Variants in TMEM260 observed in about 807,000 individuals in gnomAD.
TMEM260 encodes transmembrane protein 260, also known as protein O-mannosyl-transferase TMEM260.
Under a neutral mutation model 88.9 loss-of-function variants are expected in TMEM260, and 82 were observed. That is an observed-to-expected ratio of 0.92 (90% confidence interval 0.77 to 1.11). TMEM260 has a LOEUF of 1.11. TMEM260 is among the 50% of genes least tolerant of loss of function. TMEM260 has a pLI of 0.00. For synonymous variants in TMEM260, 314 were observed against 309.3 expected, an observed-to-expected ratio of 1.02 and a Z score of -0.16; for missense variants, 902 against 853.4, an observed-to-expected ratio of 1.06 and a Z score of -0.71.
chr14:56,639,684 G>T (rs1253952446), intron 15 of TMEM260, among the ~76,000 whole-genome samples: 6 of 152,220 alleles, frequency 3.9e-5, no homozygotes, highest in African/African-American at 1.4e-4. Flanking sequence ...GCAGGGCAAG[G>T]CATTGCCTCA....
chr14:56,653,374 C>T (rs1231276995), downstream of TMEM260, among the ~76,000 whole-genome samples: 2 of 151,690 alleles, frequency 1.3e-5, no homozygotes, highest in Non-Finnish European at 2.9e-5. Context: ...TGTGTAGAGT[C>T]AATATAAAAT....
At chr14:56,633,272 T>G in intron 13 of TMEM260, 101 bp downstream of exon 13, 2 of 894,536 alleles carry the variant, frequency 2.2e-6, no homozygotes, top group Admixed American at 2.7e-5. Context: ...TTTTTTTTAT[T>G]AATTGTTAAT....
At position 56,648,765 on chromosome 14, in the gene TMEM260, C is replaced by T. The variant is rs939933653; in HGVS notation, c.*1268C>T. 6.6e-6 allele frequency: 1 copy of T among 152,614 alleles called. No individual in the cohort carries two copies. Among genetic ancestry groups the T allele is most frequent in the Admixed American group, 6.5e-5 (1 of 15,272 alleles). 9.5% of individuals were successfully genotyped at this position (152,614 alleles called of 1,614,324 possible). A position where few individuals can be genotyped will look rare whatever the true frequency, so the allele number is the denominator to read the frequency against. On this transcript the variant is annotated 3_prime_UTR_variant, in exon 16 of 16. Transcript: ENST00000261556. ...AAAATGCTGCAGGATGCCATGTAGG[C>T]ATCTGTCTGGAGTGTCCTTTGTGAT...
chr14:56,655,787 A>G, the TMEM260 span, among the ~76,000 whole-genome samples: 1 of 152,112 alleles, frequency 6.6e-6, no homozygotes, highest in East Asian at 1.9e-4. Flanking sequence ...CTATTTTCCT[A>G]TTTTATTATC....
In TMEM260 at chr14:56,585,781, T is replaced by C; in HGVS notation, c.213T>C (p.Tyr71=). The C allele has an allele frequency of 6.2e-7, 1 of 1,612,804 alleles. No individual in the cohort carries two copies. Among genetic ancestry groups the C allele is most frequent in the Non-Finnish European group, 8.5e-7 (1 of 1,179,440 alleles). Residue 71 remains tyrosine, a synonymous_variant, in exon 3 of 16, where the codon TAT becomes TAC. Transcript: ENST00000261556. The stretch of plus-strand genomic sequence containing the variant: ...CGTAGGTTGCCCATCCTCCTGGCTA[T>C]CCTTTGTTCACGCTGGTGGCTAAAC... ...HELGVAHPPG[Y]PLFTLVAKLA...
At chr14:56,629,371 A>G (rs1470670509) in intron 12 of TMEM260, among the ~76,000 whole-genome samples, 1 of 151,220 alleles carries the variant, frequency 6.6e-6, no homozygotes, top group East Asian at 1.9e-4. Context: ...CTTCAAGCAG[A>G]ATGTGATAAC....
rs1479089044 is a variant in TMEM260, at chr14:56,617,170, T to C, written c.942-13T>C. ...TCTAAATATTTTAGACATATTTTTA[T>C]TATTTTTTGTAGGGACAGACAGAAT... On this transcript the variant is annotated splice_polypyrimidine_tract_variant and intron_variant, in intron 8 of 15. Transcript: ENST00000261556. 1 of 1,478,914 alleles carries C rather than the reference T, an allele frequency of 6.8e-7. No homozygotes were observed. Among genetic ancestry groups the C allele is most frequent in the East Asian group, 2.3e-5 (1 of 42,748 alleles). The allele number at this position is 1,478,914 out of a possible 1,614,324, so 91.6% of individuals were successfully genotyped here.
chr14:56,595,208 A>G (rs991276282), intron 3 of TMEM260, among the ~76,000 whole-genome samples: 14 of 152,186 alleles, frequency 9.2e-5, no homozygotes, highest in African/African-American at 3.1e-4. Context: ...CTTCAGATAT[A>G]TTTGTAGTTA....
At chr14:56,579,788 G>C, upstream of TMEM260, 1 of 902,204 alleles carries the variant, frequency 1.1e-6, no homozygotes, top group Non-Finnish European at 1.5e-6. Flanking sequence ...GGTCCAACCC[G>C]CGGAGGCTCG....
At chr14:56,596,784 T>A (rs9671985) in intron 3 of TMEM260, among the ~76,000 whole-genome samples, 39 of 114,252 alleles carry the variant, frequency 3.4e-4, no homozygotes, top group Middle Eastern at 4.3e-3. Context: ...AAAAAAAAAT[T>A]AAAAAAAAAA....
intron 12 of TMEM260, among the ~76,000 whole-genome samples, chr14:56,627,468 A>T (rs1888309943): frequency 6.6e-6 from 1 of 152,166 alleles, no homozygotes; most frequent in Non-Finnish European, 1.5e-5. Context: ...TAAGCAAATA[A>T]AACTATTAGG....
chr14:56,601,962 G>C (rs781240951), intron 3 of TMEM260, among the ~76,000 whole-genome samples: 3 of 151,974 alleles, frequency 2.0e-5, no homozygotes, highest in Non-Finnish European at 4.4e-5. Context: ...TGCTAATTTC[G>C]GTTTTAAATA....
chr14:56,616,004 T>C lies in TMEM260; in HGVS notation c.918T>C (p.Cys306=). The C allele has an allele frequency of 1.2e-6, 2 of 1,612,550 alleles. No individual in the cohort carries two copies. ...TCAACATCCAAGCCCTTGCAGTTTG[T>C]GCAAATATATGTTTAGCAACAAAGT... ...LSFNIQALAV[C]ANICLATKDR... is the part of the protein sequence containing the mutation. Residue 306 remains cysteine (C), a synonymous_variant, in exon 8 of 16, where the codon TGT becomes TGC. Transcript: ENST00000261556.
intron 12 of TMEM260, among the ~76,000 whole-genome samples, chr14:56,627,977 C>T (rs990885091): frequency 1.3e-5 from 2 of 152,298 alleles, no homozygotes; most frequent in East Asian, 1.9e-4. Flanking sequence ...TTACCTTTTC[C>T]TGAGTGTCAT....
intron 11 of TMEM260, 69 bp downstream of exon 11, chr14:56,621,771 T>TG: frequency 7.3e-7 from 1 of 1,362,326 alleles, no homozygotes; most frequent in Non-Finnish European, 1.0e-6. Flanking sequence ...AAAAAACATC[T>TG]TTTTTAAAAT....
intron 3 of TMEM260, among the ~76,000 whole-genome samples, chr14:56,600,664 A>T (rs1408438409): frequency 6.6e-6 from 1 of 152,160 alleles, no homozygotes; most frequent in Non-Finnish European, 1.5e-5. Context: ...GGCTAGAATT[A>T]AAAAGCTAAA....
At chr14:56,632,340 G>GT (rs1272475778) in intron 12 of TMEM260, among the ~76,000 whole-genome samples, 1 of 152,150 alleles carries the variant, frequency 6.6e-6, no homozygotes, top group Admixed American at 6.5e-5. Context: ...CCACACTCTT[G>GT]GAAGCACAAT....
intron 15 of TMEM260, among the ~76,000 whole-genome samples, chr14:56,639,135 G>A (rs1889364325): frequency 6.6e-6 from 1 of 152,148 alleles, no homozygotes; most frequent in South Asian, 2.1e-4. Flanking sequence ...ATCTATTTTG[G>A]ACTTCAACAC....
At chr14:56,579,644 G>A (rs1285865871), upstream of TMEM260, 1 of 370,496 alleles carries the variant, frequency 2.7e-6, no homozygotes, top group African/African-American at 2.1e-5. Context: ...ATGCTCTCCT[G>A]GTGATTAGGA....
Sources: gnomAD v4.1 joint callset for allele counts (sites outside exome capture counted in the v4.1 genomes callset) on GRCh38, gnomAD v4.1.1 for gene constraint, MANE v1.5 for transcripts, NCBI Gene and HGNC (gene_info 2026-07-23, HGNC 2026-07-21) for gene names.